The following SRGAP3 variants were observed in gnomAD, a reference collection of about 807,000 sequenced individuals.
SRGAP3 encodes SLIT-ROBO Rho GTPase activating protein 3.
Under a neutral mutation model 121.1 loss-of-function variants are expected in SRGAP3, and 39 were observed. That is an observed-to-expected ratio of 0.32 (90% CI 0.25 to 0.42). SRGAP3 has a LOEUF of 0.42. Among genes scored for constraint, SRGAP3 ranks in the 10% least tolerant of loss-of-function variants. The probability of loss-of-function intolerance (pLI) is 1.00; values close to 1 mark genes in which losing one functional copy is unlikely to be tolerated. For synonymous variants in SRGAP3, 601 were observed against 570.0 expected (o/e 1.05, Z -0.77); for missense variants, 1,213 against 1,470.6 (o/e 0.82, Z 2.86).
chr3:9,143,971 T>C (rs1484597263), intron 1 of SRGAP3, among the ~76,000 whole-genome samples: 3 of 152,166 alleles, frequency 2.0e-5, no homozygotes, highest in Non-Finnish European at 4.4e-5. Flanking sequence ...ACTGCCATCA[T>C]CCTAGTTAAA....
chr3:9,281,116 T>C (rs183488852), intron 3 of SRGAP3, among the ~76,000 whole-genome samples: 4 of 152,332 alleles, frequency 2.6e-5, no homozygotes, highest in Admixed American at 1.3e-4. Flanking sequence ...CTGCATTCTC[T>C]ACTTAGGTTT....
chr3:9,098,238 A>G (rs1286032194), intron 3 of SRGAP3, among the ~76,000 whole-genome samples: 3 of 152,160 alleles, frequency 2.0e-5, no homozygotes, highest in African/African-American at 7.2e-5. Flanking sequence ...GAGGGAGAGG[A>G]GGACATTGTG....
At chr3:9,184,496 G>A (rs1951534468) in intron 1 of SRGAP3, among the ~76,000 whole-genome samples, 1 of 152,140 alleles carries the variant, frequency 6.6e-6, no homozygotes, top group Non-Finnish European at 1.5e-5. Flanking sequence ...GTTTTAACAG[G>A]AGGATGGAAT....
At chr3:9,155,601 G>C (rs980969521) in intron 1 of SRGAP3, among the ~76,000 whole-genome samples, 1 of 151,782 alleles carries the variant, frequency 6.6e-6, no homozygotes, top group Non-Finnish European at 1.5e-5. Context: ...CCCCGGGTTG[G>C]GTCTCTCATG....
At position 9,322,473 on chromosome 3, in the gene SRGAP3, G is replaced by A. The variant is rs183035655; in HGVS notation, n.442+3537C>T. Among the ~76,000 whole-genome samples, 111 of 151,944 alleles carry A rather than the reference G, an allele frequency of 7.3e-4. 1 individual carries two copies. Among genetic ancestry groups the A allele is most frequent in the Middle Eastern group, 3.4e-3 (1 of 294 alleles). ...GGGCCGTGGACTGGTGCCAGTCCCC[G>A]TGGCCTATTAGGAACAGGGCTGCAC... On this transcript the variant is annotated intron_variant and non_coding_transcript_variant, in intron 3 of 3. Coordinates refer to the SRGAP3 transcript ENST00000490889.
chr3:9,226,888 T>C (rs1047638317), intron 1 of SRGAP3, among the ~76,000 whole-genome samples: 1 of 152,168 alleles, frequency 6.6e-6, no homozygotes, highest in Non-Finnish European at 1.5e-5. Context: ...CATGAGCACC[T>C]GCCAGGAAAT....
intron 3 of SRGAP3, among the ~76,000 whole-genome samples, chr3:9,095,845 A>G (rs909696878): frequency 6.6e-6 from 1 of 152,122 alleles, no homozygotes; most frequent in Non-Finnish European, 1.5e-5. Flanking sequence ...AGATGGGAGG[A>G]TTGCTTGAGG....
chr3:9,095,037 C>T (rs1213956983), intron 3 of SRGAP3, among the ~76,000 whole-genome samples: 4 of 152,118 alleles, frequency 2.6e-5, no homozygotes, highest in African/African-American at 4.8e-5. Flanking sequence ...GCTGAGATTA[C>T]AGGTGTGAGC....
intron 2 of SRGAP3, among the ~76,000 whole-genome samples, chr3:9,328,873 T>C (rs973394291): frequency 5.9e-5 from 9 of 152,216 alleles, no homozygotes; most frequent in African/African-American, 2.2e-4. Flanking sequence ...AAGATAATTT[T>C]TAGAGCTAAC....
intron 1 of SRGAP3, among the ~76,000 whole-genome samples, chr3:9,355,053 C>G (rs1255026387): frequency 6.6e-6 from 1 of 152,182 alleles, no homozygotes. Flanking sequence ...CCCACTTGTA[C>G]TTACTTTGTG....
intron 1 of SRGAP3, among the ~76,000 whole-genome samples, chr3:9,338,627 T>C (rs1375847265): frequency 2.6e-5 from 4 of 152,208 alleles, no homozygotes; most frequent in African/African-American, 9.7e-5. Context: ...CCTCAGGTCT[T>C]CTTGATAAGC....
intron 3 of SRGAP3, among the ~76,000 whole-genome samples, chr3:9,272,542 A>G (rs1011462739): frequency 1.3e-5 from 2 of 152,186 alleles, no homozygotes; most frequent in African/African-American, 4.8e-5. Context: ...ACTCAGCACA[A>G]TGTTCATAAG....
intron 1 of SRGAP3, among the ~76,000 whole-genome samples, chr3:9,357,530 C>T (rs1462715077): frequency 6.6e-6 from 1 of 151,538 alleles, no homozygotes; most frequent in Non-Finnish European, 1.5e-5. Context: ...GCACACACCA[C>T]CATACCTGGC....
intron 1 of SRGAP3, among the ~76,000 whole-genome samples, chr3:9,227,587 A>G (rs1953035862): frequency 6.6e-6 from 1 of 152,264 alleles, no homozygotes; most frequent in African/African-American, 2.4e-5. Context: ...TCCCAGTCCA[A>G]TGCAGAGTCC....
chr3:9,021,025 C>G (rs1171517879), intron 14 of SRGAP3, among the ~76,000 whole-genome samples: 1 of 152,254 alleles, frequency 6.6e-6, no homozygotes, highest in African/African-American at 2.4e-5. Context: ...AGACCTGCTG[C>G]TGGAAGCTTG....
intron 1 of SRGAP3, among the ~76,000 whole-genome samples, chr3:9,207,906 G>A (rs1952319718): frequency 6.6e-6 from 1 of 152,210 alleles, no homozygotes; most frequent in Non-Finnish European, 1.5e-5. Flanking sequence ...GGATATTGTT[G>A]TTGTTGCTCT....
At chr3:9,073,122 T>A (rs1946796535) in intron 4 of SRGAP3, among the ~76,000 whole-genome samples, 1 of 152,166 alleles carries the variant, frequency 6.6e-6, no homozygotes, top group Non-Finnish European at 1.5e-5. Flanking sequence ...TAAATGCAGG[T>A]TCGTAGTTTA....
At chr3:9,036,851 C>A (rs1231520880) in intron 11 of SRGAP3, 1 of 152,168 alleles carries the variant, frequency 6.6e-6, no homozygotes, top group Non-Finnish European at 1.5e-5. Flanking sequence ...ATAATGGGTT[C>A]GTTTCTAAAA....
At position 9,248,801 on chromosome 3, in the gene SRGAP3, A is replaced by G. The variant is rs182649449; in HGVS notation, c.67+84T>C. The G allele has an allele frequency of 3.0e-5, 42 of 1,382,304 alleles. No homozygotes were observed. The African/African-American group carries it at 5.4e-4, about 18-fold the overall frequency. 85.6% of individuals were successfully genotyped at this position (1,382,304 alleles called of 1,614,324 possible). ...ACATTTCATAATGGCAGAGAGGAAA[A>G]CGGGGGGCAGCGGGGGATGGGAACC... is the stretch of plus-strand genomic sequence containing the variant. On this transcript the variant is annotated intron_variant, in intron 1 of 21. Coordinates refer to ENST00000383836, the MANE Select transcript of SRGAP3 (RefSeq NM_014850.4).
Sources: gnomAD v4.1 joint callset for allele counts (sites outside exome capture counted in the v4.1 genomes callset) on GRCh38, gnomAD v4.1.1 for gene constraint, MANE v1.5 for transcripts, NCBI Gene and HGNC (gene_info 2026-07-23, HGNC 2026-07-21) for gene names.